The following DLG2 variants were observed in gnomAD, a reference collection of about 807,000 sequenced individuals.
DLG2 encodes the protein disks large homolog 2.
Under a neutral mutation model 132.5 loss-of-function variants are expected in DLG2, and 45 were observed. The ratio of observed to expected loss-of-function variants is 0.34; its 90% CI spans 0.27 to 0.44. The LOEUF is 0.44. DLG2 is among the 20% of genes least tolerant of loss of function. The probability of loss-of-function intolerance (pLI) is 1.00; values close to 1 mark genes in which losing one functional copy is unlikely to be tolerated. For synonymous variants in DLG2, 424 were observed against 419.6 expected (o/e 1.01, Z -0.13); for missense variants, 1,045 against 1,196.9 (o/e 0.87, Z 1.87).
chr11:85,352,807 C>G (rs2083395859), intron 3 of DLG2, among the ~76,000 whole-genome samples: 1 of 152,096 alleles, frequency 6.6e-6, no homozygotes, highest in South Asian at 2.1e-4. Flanking sequence ...AAACTGGATC[C>G]CTTCCTTACA....
chr11:83,993,073 A>G (rs999271761), intron 11 of DLG2, among the ~76,000 whole-genome samples: 3 of 152,142 alleles, frequency 2.0e-5, no homozygotes, highest in Non-Finnish European at 2.9e-5. Context: ...TCAGAAGTCT[A>G]GATATAAGCA....
Position 84,624,984 on chromosome 11 carries a change from C to T in DLG2, c.358-90253G>A, listed in dbSNP as rs372730360. Among the ~76,000 whole-genome samples the T allele has an allele frequency of 3.3e-4, 49 of 148,130 alleles. No individual in the cohort carries two copies. In the East Asian group the frequency reaches 7.3e-3, roughly 22 times the overall value. ...GCCATTCTCCTGCCTCAGCCTCCTC[C>T]CAAGTAGCTGGGACTACAGGCGCCC... On this transcript the variant is annotated intron_variant, in intron 6 of 27. Transcript: ENST00000376104.
intron 3 of DLG2, among the ~76,000 whole-genome samples, chr11:85,581,908 T>C (rs866918358): frequency 6.6e-6 from 1 of 152,084 alleles, no homozygotes; most frequent in Non-Finnish European, 1.5e-5. Context: ...TATATTGCAT[T>C]TGAGGAGAAA....
At chr11:85,555,930 T>G (rs1162097861) in intron 3 of DLG2, among the ~76,000 whole-genome samples, 2 of 151,844 alleles carry the variant, frequency 1.3e-5, no homozygotes, top group Non-Finnish European at 2.9e-5. Flanking sequence ...GGGAAGAAGG[T>G]ATTTGAGCCT....
chr11:84,972,168 T>C (rs1232019277), intron 6 of DLG2, among the ~76,000 whole-genome samples: 1 of 152,176 alleles, frequency 6.6e-6, no homozygotes, highest in East Asian at 1.9e-4. Flanking sequence ...GTGCTTCTTA[T>C]ACAATGAACC....
chr11:83,549,680 T>G (rs1007015120), intron 19 of DLG2, among the ~76,000 whole-genome samples: 7 of 152,156 alleles, frequency 4.6e-5, no homozygotes, highest in African/African-American at 1.7e-4. Context: ...AAACTTTAGT[T>G]GCTCTTATTT....
chr11:84,504,756 T>A (rs1441075502), intron 7 of DLG2, among the ~76,000 whole-genome samples: 2 of 152,124 alleles, frequency 1.3e-5, no homozygotes, highest in African/African-American at 4.8e-5. Flanking sequence ...ATATAGACAA[T>A]GGAAGCTGAC....
chr11:83,744,379 T>C (rs2092755151), intron 18 of DLG2, among the ~76,000 whole-genome samples: 2 of 152,204 alleles, frequency 1.3e-5, no homozygotes, highest in African/African-American at 4.8e-5. Flanking sequence ...TGGTGACCTG[T>C]GGTCCTACAC....
intron 18 of DLG2, among the ~76,000 whole-genome samples, chr11:83,661,361 A>G (rs1351752672): frequency 6.6e-6 from 1 of 152,186 alleles, no homozygotes; most frequent in Non-Finnish European, 1.5e-5. Flanking sequence ...TAGGATGCCC[A>G]TGTAAAAAGC....
intron 2 of DLG2, among the ~76,000 whole-genome samples, chr11:85,619,119 GATTA>G (rs2081532327): frequency 6.6e-6 from 1 of 152,046 alleles, no homozygotes; most frequent in Non-Finnish European, 1.5e-5. Flanking sequence ...ATGCCTCCTG[GATTA>G]ATTAATATTT....
intron 7 of DLG2, among the ~76,000 whole-genome samples, chr11:84,353,014 T>C (rs1038466659): frequency 6.6e-6 from 1 of 152,164 alleles, no homozygotes; most frequent in Non-Finnish European, 1.5e-5. Context: ...CACTAGATAT[T>C]TTTCCATGGG....
At chr11:84,339,627 G>T (rs1413861592) in intron 7 of DLG2, among the ~76,000 whole-genome samples, 2 of 152,090 alleles carry the variant, frequency 1.3e-5, no homozygotes, top group Non-Finnish European at 2.9e-5. Context: ...ATTTAAGAAG[G>T]AGTCTGGACT....
chr11:84,418,149 G>A (rs372280313), intron 7 of DLG2, among the ~76,000 whole-genome samples: 1 of 152,096 alleles, frequency 6.6e-6, no homozygotes, highest in Non-Finnish European at 1.5e-5. Flanking sequence ...TTTGCATATG[G>A]TGCTACCATA....
chr11:85,030,368 C>A (rs1410650489), intron 6 of DLG2, among the ~76,000 whole-genome samples: 6 of 152,146 alleles, frequency 3.9e-5, no homozygotes, highest in African/African-American at 1.4e-4. Flanking sequence ...TTACTTTGCT[C>A]TTCTTGGAAT....
intron 18 of DLG2, among the ~76,000 whole-genome samples, chr11:83,763,717 A>G (rs1267354600): frequency 2.0e-5 from 3 of 152,338 alleles, no homozygotes; most frequent in Non-Finnish European, 4.4e-5. Flanking sequence ...AAAATGGAAT[A>G]TAACATATAA....
At position 84,540,004 on chromosome 11, in the gene DLG2, C is replaced by T. The variant is rs569880212; in HGVS notation, c.358-5273G>A. On this transcript the variant is annotated intron_variant, in intron 6 of 27. Transcript: ENST00000376104. ...GCTAGCCATATATAGAAAGCTGAAA[C>T]GGGAATCCTTCCTTACATCTTATAC... 2.4e-4 allele frequency among the ~76,000 whole-genome samples: 37 copies of T among 152,074 alleles called. 1 individual carries two copies. Among genetic ancestry groups the T allele is most frequent in the African/African-American group, 6.8e-4 (28 of 41,402 alleles).
At chr11:85,220,583 AG>A (rs2074567020) in intron 4 of DLG2, among the ~76,000 whole-genome samples, 1 of 151,696 alleles carries the variant, frequency 6.6e-6, no homozygotes, top group Non-Finnish European at 1.5e-5. Context: ...GTTTCTACAT[AG>A]GGTACATTTT....
At chr11:83,670,392 C>A (rs879644925) in intron 18 of DLG2, among the ~76,000 whole-genome samples, 7 of 143,654 alleles carry the variant, frequency 4.9e-5, no homozygotes, top group East Asian at 2.0e-4. Flanking sequence ...AAAAAAAAAA[C>A]CCATCACTGG....
chr11:83,766,831 T>C (rs1333202276), intron 18 of DLG2, among the ~76,000 whole-genome samples: 1 of 152,214 alleles, frequency 6.6e-6, no homozygotes, highest in Non-Finnish European at 1.5e-5. Flanking sequence ...TACATTTATC[T>C]GAGAGTCTAG....
Sources: gnomAD v4.1 joint callset for allele counts (sites outside exome capture counted in the v4.1 genomes callset) on GRCh38, gnomAD v4.1.1 for gene constraint, MANE v1.5 for transcripts, NCBI Gene and HGNC (gene_info 2026-07-23, HGNC 2026-07-21) for gene names.